Variants in RIC1 observed in about 807,000 individuals in gnomAD.
RIC1 encodes the protein guanine nucleotide exchange factor subunit RIC1.
In RIC1, 88 loss-of-function variants were observed where a neutral mutation model predicts 169.0. The observed-to-expected ratio is 0.52, with a 90% CI of 0.44 to 0.62. RIC1 has a LOEUF of 0.62. Ranked by LOEUF, RIC1 falls within the 20% of genes least tolerant of loss-of-function variation. The probability of loss-of-function intolerance (pLI) is 0.00; values close to 1 mark genes in which losing one functional copy is unlikely to be tolerated. For missense variants in RIC1, 1,877 were observed against 1,725.5 expected (o/e 1.09, Z -1.56); for synonymous variants, 790 against 601.5 (o/e 1.31, Z -4.59).
chr9:5,761,394 G>A (rs1826332486), intron 17 of RIC1, among the ~76,000 whole-genome samples: 2 of 151,960 alleles, frequency 1.3e-5, no homozygotes, highest in Admixed American at 6.6e-5. Context: ...GATTACAGGT[G>A]TGAGCCACTG....
chr9:5,765,972 A>C (rs749367043), intron 21 of RIC1, among the ~76,000 whole-genome samples, 174 bp downstream of exon 21: 73 of 152,106 alleles, frequency 4.8e-4, no homozygotes, highest in Non-Finnish European at 8.5e-4. Flanking sequence ...CTTCCTCCCA[A>C]GTTCACTTCA....
chr9:5,690,566 T>C (rs1474381787), intron 3 of RIC1, among the ~76,000 whole-genome samples: 2 of 42,182 alleles, frequency 4.7e-5, no homozygotes, highest in Admixed American at 4.0e-4. Flanking sequence ...GCATTCCATC[T>C]TTTTTTTTTT....
chr9:5,768,832 C>CT (rs2131132508), intron 21 of RIC1, 138 bp from the exon 22 acceptor site: 2 of 940,070 alleles, frequency 2.1e-6, no homozygotes, highest in Admixed American at 5.5e-5. Context: ...AGCGTTGATA[C>CT]TTTATCTTCA....
chr9:5,686,273 C>G (rs925410674), intron 2 of RIC1, among the ~76,000 whole-genome samples: 2 of 151,970 alleles, frequency 1.3e-5, no homozygotes, highest in Admixed American at 6.6e-5. Flanking sequence ...CATCCCATTA[C>G]TGGGTATATA....
chr9:5,748,188 C>A (rs893386592), intron 12 of RIC1, among the ~76,000 whole-genome samples: 1 of 152,144 alleles, frequency 6.6e-6, no homozygotes, highest in African/African-American at 2.4e-5. Flanking sequence ...TTTCAGTCTT[C>A]CGACTGTTTT....
chr9:5,713,279 T>C (rs926509999), intron 3 of RIC1: 1 of 152,218 alleles, frequency 6.6e-6, no homozygotes, highest in African/African-American at 2.4e-5. Context: ...TGTAGTCCTT[T>C]GAAGGGTCGT....
At chr9:5,703,423 A>C (rs554414775) in intron 3 of RIC1, among the ~76,000 whole-genome samples, 1 of 152,328 alleles carries the variant, frequency 6.6e-6, no homozygotes, top group South Asian at 2.1e-4. Flanking sequence ...ACCTAGTTCC[A>C]GAACTTTTAC....
At chr9:5,750,723 G>GTCAATTTTTATA (rs1825670892) in intron 12 of RIC1, among the ~76,000 whole-genome samples, 1 of 151,682 alleles carries the variant, frequency 6.6e-6, no homozygotes, top group African/African-American at 2.4e-5. Context: ...TTCCAGTGAT[G>GTCAATTTTTATA]TGGCATGACT....
chr9:5,664,669 T>G (rs749929198), intron 2 of RIC1, among the ~76,000 whole-genome samples: 7 of 152,190 alleles, frequency 4.6e-5, no homozygotes, highest in Non-Finnish European at 7.3e-5. Context: ...TCTTCCTAGG[T>G]TGGGGAAGTT....
chr9:5,699,987 G>A lies in RIC1; in HGVS notation c.332+9949G>A, dbSNP rs186145949. On this transcript the variant is annotated intron_variant, in intron 3 of 25. Transcript: ENST00000414202. Reference sequence around the variant, plus strand: ...AAGAAAACTGTCACACAATTGATCCGAAACTGCATTAAGAAAAAAATTCCT... The same window carrying A: ...AAGAAAACTGTCACACAATTGATCCAAAACTGCATTAAGAAAAAAATTCCT... Among the ~76,000 whole-genome samples the A allele has an allele frequency of 3.1e-3, 473 of 150,904 alleles. 2 individuals are homozygous for A. Among genetic ancestry groups the A allele is most frequent in the African/African-American group, 0.011 (447 of 41,110 alleles).
rs188910233 is a variant in RIC1 at position 5,710,521 on chromosome 9, C to G, written c.333-3375C>G. 3.5e-3 allele frequency among the ~76,000 whole-genome samples: 538 copies of G among 152,310 alleles called. 1 individual carries two copies. The highest frequency in any genetic ancestry group is 0.01 in the Middle Eastern group (3 of 294). ...AAAAAAGTGCTGGCTGGCCACTACC[C>G]TGCTGAAGTCCACCAGTTGACAGCC... On this transcript the variant is annotated intron_variant, in intron 3 of 25. Coordinates refer to ENST00000414202, the MANE Select transcript of RIC1 (RefSeq NM_020829.4).
At chr9:5,721,406 C>A (rs1823577747) in intron 6 of RIC1, among the ~76,000 whole-genome samples, 1 of 152,176 alleles carries the variant, frequency 6.6e-6, no homozygotes, top group African/African-American at 2.4e-5. Flanking sequence ...TGCTAACAGG[C>A]TCCCACTTCA....
Position 5,629,423 on chromosome 9 carries a change from C to T in RIC1, c.114C>T (p.Ala38=), listed in dbSNP as rs375389900. 64 of 1,533,828 alleles carry T rather than the reference C, an allele frequency of 4.2e-5. No homozygotes were observed. The East Asian group carries it at 5.4e-4, about 13-fold the overall frequency. ...AGAGGGCTTTCTTCGCCGTGCTGGC[C>T]GCGGCCCGCCTCAGCATCTGGTACA... ...DPQRAFFAVL[A]AARLSIWYSR... The change falls in exon 1 of 26, where the codon GCC becomes GCT. Residue 38 remains alanine, a synonymous_variant. Coordinates refer to ENST00000414202, the MANE Select transcript of RIC1 (RefSeq NM_020829.4).
intron 2 of RIC1, among the ~76,000 whole-genome samples, chr9:5,673,559 A>ATATATATATAT (rs1554663256): frequency 1.3e-4 from 12 of 92,706 alleles, no homozygotes; most frequent in African/African-American, 5.8e-4. Flanking sequence ...TATATATATA[A>ATATATATATAT]ATAAATGTTG....
At chr9:5,711,911 T>A (rs1822953796) in intron 3 of RIC1, among the ~76,000 whole-genome samples, 1 of 152,256 alleles carries the variant, frequency 6.6e-6, no homozygotes, top group South Asian at 2.1e-4. Context: ...GAACTCATCC[T>A]TTTATATGGC....
At chr9:5,634,308 T>G (rs539666071) in intron 1 of RIC1, among the ~76,000 whole-genome samples, 1 of 152,324 alleles carries the variant, frequency 6.6e-6, no homozygotes, top group Admixed American at 6.5e-5. Context: ...GAACTTCTGT[T>G]TTCCATCATG....
chr9:5,725,984 A>G (rs545975403), intron 6 of RIC1, among the ~76,000 whole-genome samples: 5 of 152,242 alleles, frequency 3.3e-5, no homozygotes, highest in South Asian at 2.1e-4. Context: ...TATGTGGTCA[A>G]TTTTGGAATA....
intron 2 of RIC1, among the ~76,000 whole-genome samples, chr9:5,687,877 TC>T (rs1348056188): frequency 6.6e-5 from 10 of 152,216 alleles, no homozygotes; most frequent in African/African-American, 2.2e-4. Flanking sequence ...ATGAAGTTGT[TC>T]CTCAATTCAC....
chr9:5,654,519 A>T lies in RIC1; in HGVS notation c.145-2064A>T, dbSNP rs887236008. The stretch of plus-strand genomic sequence containing the variant: ...TATCTTGGCCTCCCAAAGTGTTGGG[A>T]TTACAGGCGTGAGCCACTGTGCCCA... On this transcript the variant is annotated intron_variant, in intron 1 of 25. Transcript: ENST00000414202. 3.9e-5 allele frequency among the ~76,000 whole-genome samples: 6 copies of T among 151,946 alleles called. No individual in the cohort carries two copies. In the South Asian group the frequency reaches 1.2e-3, roughly 32 times the overall value.
Sources: gnomAD v4.1 joint callset for allele counts (sites outside exome capture counted in the v4.1 genomes callset) on GRCh38, gnomAD v4.1.1 for gene constraint, MANE v1.5 for transcripts, NCBI Gene and HGNC (gene_info 2026-07-23, HGNC 2026-07-21) for gene names.